Variants in CDC42BPA observed in about 807,000 individuals in gnomAD.
The protein encoded by CDC42BPA is serine/threonine-protein kinase MRCK alpha.
Under a neutral mutation model 223.5 loss-of-function variants are expected in CDC42BPA, and 80 were observed. The ratio of observed to expected loss-of-function variants is 0.36; its 90% confidence interval spans 0.30 to 0.43. The LOEUF (loss-of-function observed/expected upper bound fraction) is 0.43. Ranked by LOEUF, CDC42BPA falls within the 20% of genes least tolerant of loss-of-function variation. The pLI is 1.00. For synonymous variants in CDC42BPA, 694 were observed against 718.6 expected (o/e 0.97, Z 0.55); for missense variants, 1,743 against 2,099.9 (o/e 0.83, Z 3.32).
chr1:227,017,755 A>C (rs542528654), intron 32 of CDC42BPA, among the ~76,000 whole-genome samples: 1 of 152,264 alleles, frequency 6.6e-6, no homozygotes, highest in African/African-American at 2.4e-5. Context: ...GGACTCCCAA[A>C]ACATGCTGGG....
intron 1 of CDC42BPA, among the ~76,000 whole-genome samples, chr1:227,263,517 G>T (rs1054367810): frequency 3.3e-5 from 5 of 151,760 alleles, no homozygotes; most frequent in African/African-American, 1.2e-4. Context: ...AGGCAATTTA[G>T]AACTTTTCTT....
At position 227,135,834 on chromosome 1, in the gene CDC42BPA, A is replaced by T. The variant is rs187481254; in HGVS notation, c.1390+3742T>A. Among the ~76,000 whole-genome samples, 108 of 121,876 alleles carry T rather than the reference A, an allele frequency of 8.9e-4. 1 individual carries two copies. The East Asian group carries it at 0.025, about 28-fold the overall frequency. The allele number at this position is 121,876 out of a possible 152,430, so 80.0% of individuals were successfully genotyped here. On this transcript the variant is annotated intron_variant, in intron 10 of 36. Transcript: ENST00000366766. ...ACACCACTGCACTCCAGCCTGGGCG[A>T]CAGAGCGAGACTCTGTCTCCCAAAA...
At chr1:227,055,069 T>C (rs1674281832) in intron 21 of CDC42BPA, among the ~76,000 whole-genome samples, 1 of 151,922 alleles carries the variant, frequency 6.6e-6, no homozygotes, top group Admixed American at 6.6e-5. Context: ...AATATAATAA[T>C]TAAAATTTAA....
At chr1:227,196,215 T>C (rs1670659017) in intron 4 of CDC42BPA, among the ~76,000 whole-genome samples, 1 of 151,984 alleles carries the variant, frequency 6.6e-6, no homozygotes. Flanking sequence ...CTAGAAGTCT[T>C]CGTAGGAATA....
chr1:227,074,644 T>C (rs1485541729), intron 17 of CDC42BPA, among the ~76,000 whole-genome samples: 1 of 152,136 alleles, frequency 6.6e-6, no homozygotes, highest in Non-Finnish European at 1.5e-5. Flanking sequence ...AACACAGAAT[T>C]AACACTCTTT....
chr1:227,074,199 G>A, intron 18 of CDC42BPA, 60 bp downstream of exon 18: 2 of 1,415,912 alleles, frequency 1.4e-6, no homozygotes, highest in Non-Finnish European at 2.0e-6. Flanking sequence ...TTATTATAGT[G>A]TTTTTTAAAT....
At chr1:227,036,705 A>G (rs1431446585) in intron 24 of CDC42BPA, among the ~76,000 whole-genome samples, 3 of 147,050 alleles carry the variant, frequency 2.0e-5, no homozygotes, top group Non-Finnish European at 3.0e-5. Context: ...CTGAGATTAC[A>G]GGCGTTGAGC....
At chr1:227,041,152 A>AT (rs1170557479) in intron 23 of CDC42BPA, among the ~76,000 whole-genome samples, 1 of 152,160 alleles carries the variant, frequency 6.6e-6, no homozygotes, top group Non-Finnish European at 1.5e-5. Context: ...AAAAAAAATA[A>AT]TTTCAACTCT....
intron 2 of CDC42BPA, chr1:227,234,784 C>G (rs1211781844): frequency 6.6e-6 from 1 of 152,264 alleles, no homozygotes; most frequent in African/African-American, 2.4e-5. Context: ...ATGACAAGCA[C>G]TACAGCAATG....
chr1:227,162,923 T>C (rs1198382013), intron 5 of CDC42BPA, among the ~76,000 whole-genome samples: 1 of 151,668 alleles, frequency 6.6e-6, no homozygotes, highest in Non-Finnish European at 1.5e-5. Flanking sequence ...TGTGTGTGTT[T>C]CCAAACATAT....
intron 2 of CDC42BPA, among the ~76,000 whole-genome samples, chr1:227,224,765 C>A (rs1475540639): frequency 6.6e-6 from 1 of 152,162 alleles, no homozygotes; most frequent in African/African-American, 2.4e-5. Context: ...TTTTCTATGT[C>A]TTTTCAACTG....
At chr1:227,257,485 G>GT (rs1683283638) in intron 1 of CDC42BPA, among the ~76,000 whole-genome samples, 2 of 83,418 alleles carry the variant, frequency 2.4e-5, no homozygotes, top group Non-Finnish European at 5.2e-5. Flanking sequence ...GCTGGGCACA[G>GT]TGGCCTGTAA....
chr1:227,053,990 G>C (rs1468129311), intron 21 of CDC42BPA, among the ~76,000 whole-genome samples: 1 of 152,150 alleles, frequency 6.6e-6, no homozygotes, highest in Non-Finnish European at 1.5e-5. Flanking sequence ...AAGCAAAGCA[G>C]AATTGATACA....
At chr1:227,178,013 C>T (rs1272086858) in intron 5 of CDC42BPA, among the ~76,000 whole-genome samples, 1 of 151,852 alleles carries the variant, frequency 6.6e-6, no homozygotes, top group Admixed American at 6.6e-5. Flanking sequence ...TATTTTATTG[C>T]TGAGATACTT....
chr1:227,101,863 G>A (rs1345921530), intron 14 of CDC42BPA, among the ~76,000 whole-genome samples: 1 of 152,068 alleles, frequency 6.6e-6, no homozygotes, highest in Non-Finnish European at 1.5e-5. Context: ...TAGAAATAAG[G>A]CTGAAATATC....
rs1216774271 is a variant in CDC42BPA, at chr1:227,101,422, G to GTTTACAT, written c.2002-190_2002-184dup. Reference sequence around the variant, plus strand: ...CCATATATTGCAAATATTTTCCTCAGTTTACATTCCTTAATAGTCTGTCTT... The same window carrying GTTTACAT: ...CCATATATTGCAAATATTTTCCTCAGTTTACATTTTACATTCCTTAATAGTCTGTCTT... On this transcript the variant is annotated intron_variant, in intron 14 of 36. Transcript: ENST00000366766. Among the ~76,000 whole-genome samples the GTTTACAT allele has an allele frequency of 2.0e-5, 3 of 151,996 alleles. No homozygotes were observed. The East Asian group carries it at 5.8e-4, about 29-fold the overall frequency.
Position 227,112,389 on chromosome 1 carries a change from C to T in CDC42BPA, c.1924G>A (p.Ala642Thr). 6.2e-7 allele frequency: 1 copy of T among 1,605,470 alleles called. No individual in the cohort carries two copies. Among genetic ancestry groups the T allele is most frequent in the Non-Finnish European group, 8.5e-7 (1 of 1,176,210 alleles). ...EVHTEALAAEASKDRKLREQS... is the reference protein window; with the variant it reads ...EVHTEALAAETSKDRKLREQS... ...TCACGTAGCTTCCTGTCTTTAGATG[C>T]TTCAGCAGCTAGAGCTTCTGTATGA... Residue 642 changes from alanine (A) to threonine (T), a missense_variant, in exon 14 of 37, where the codon GCA (alanine) becomes ACA (threonine). Ala to Thr is a moderately conservative substitution (Grantham distance 58, BLOSUM62 0). This residue lies in a region of CDC42BPA where 464 missense variants were observed against 488.0 expected (regional missense o/e 0.95). Coordinates refer to ENST00000366766, the MANE Select transcript of CDC42BPA (RefSeq NM_001394014.1).
chr1:227,012,290 T>G (rs927997813), intron 34 of CDC42BPA, among the ~76,000 whole-genome samples: 1 of 152,180 alleles, frequency 6.6e-6, no homozygotes, highest in African/African-American at 2.4e-5. Context: ...TTGTTCTTTA[T>G]CACAAATAGC....
chr1:227,116,088 A>G (rs1010525722), intron 12 of CDC42BPA, among the ~76,000 whole-genome samples: 3 of 152,162 alleles, frequency 2.0e-5, no homozygotes, highest in African/African-American at 4.8e-5. Flanking sequence ...TAAAATGAGA[A>G]TAACACCTAA....
Sources: allele counts gnomAD v4.1 joint callset (sites outside exome capture counted in the v4.1 genomes callset), GRCh38; gene constraint gnomAD v4.1.1; regional missense constraint gnomAD v4.1.1; transcripts MANE v1.5; gene names NCBI Gene and HGNC (gene_info 2026-07-23, HGNC 2026-07-21).